CALN1: variants seen among roughly 807,000 people sequenced by gnomAD.
The protein encoded by CALN1 is calcium-binding protein 8.
In CALN1, 17 loss-of-function variants were observed where a neutral mutation model predicts 30.6. The observed-to-expected ratio is 0.56, with a 90% CI of 0.38 to 0.83. The LOEUF (loss-of-function observed/expected upper bound fraction) is 0.83. Among genes scored for constraint, CALN1 ranks in the 40% least tolerant of loss-of-function variants. CALN1 has a pLI of 0.00. For synonymous variants in CALN1, 156 were observed against 131.4 expected (o/e 1.19, Z -1.28); for missense variants, 291 against 354.9 (o/e 0.82, Z 1.45).
intron 3 of CALN1, among the ~76,000 whole-genome samples, chr7:72,128,889 A>C (rs1808951697): frequency 6.6e-6 from 1 of 152,228 alleles, no homozygotes. Context: ...AATAAAACTT[A>C]AAACATTTGT....
At chr7:72,124,315 G>A (rs1808593569) in intron 3 of CALN1, among the ~76,000 whole-genome samples, 1 of 152,118 alleles carries the variant, frequency 6.6e-6, no homozygotes, top group Non-Finnish European at 1.5e-5. Context: ...TTACAACTGT[G>A]CATCACACCA....
rs1792734901 is a variant in CALN1 at position 71,781,847 on chromosome 7, G to A, written c.*5928C>T. On this transcript the variant is annotated 3_prime_UTR_variant, in exon 7 of 7. Coordinates refer to ENST00000395275, the MANE Select transcript of CALN1 (RefSeq NM_031468.4). The stretch of plus-strand genomic sequence containing the variant: ...AGGTCAGGGTAGGGGCAGGTGGCCG[G>A]GCAAGCTTTTCCACTTTCAGAGGAC... The A allele has an allele frequency of 6.6e-6, 1 of 152,180 alleles. No homozygotes were observed. Among genetic ancestry groups the A allele is most frequent in the African/African-American group, 2.4e-5 (1 of 41,438 alleles). 9.4% of individuals were successfully genotyped at this position (152,180 alleles called of 1,614,324 possible). A position where few individuals can be genotyped will look rare whatever the true frequency, so the allele number is the denominator to read the frequency against.
chr7:71,929,404 T>G (rs1795434748), intron 5 of CALN1, among the ~76,000 whole-genome samples: 1 of 152,230 alleles, frequency 6.6e-6, no homozygotes, highest in Admixed American at 6.5e-5. Flanking sequence ...TTTCTGTTCT[T>G]GCATTAGTTT....
chr7:72,182,625 C>T (rs372337609), intron 3 of CALN1, among the ~76,000 whole-genome samples: 13 of 151,760 alleles, frequency 8.6e-5, no homozygotes, highest in African/African-American at 2.9e-4. Flanking sequence ...GAGGCTGAGG[C>T]GGGAGAATGG....
At chr7:72,090,914 A>G (rs953455575) in intron 4 of CALN1, among the ~76,000 whole-genome samples, 10 of 152,168 alleles carry the variant, frequency 6.6e-5, no homozygotes, top group Admixed American at 6.5e-4. Flanking sequence ...CGATGATTAT[A>G]GGGGCAAGGA....
At chr7:72,020,499 G>A (rs1296319419) in intron 5 of CALN1, among the ~76,000 whole-genome samples, 1 of 152,124 alleles carries the variant, frequency 6.6e-6, no homozygotes, top group Non-Finnish European at 1.5e-5. Context: ...CAGTCGCAGG[G>A]GGAAGAAGGG....
At chr7:72,474,987 C>T in the CALN1 span, among the ~76,000 whole-genome samples, 30 of 152,284 alleles carry the variant, frequency 2.0e-4, no homozygotes, top group African/African-American at 6.7e-4. Flanking sequence ...CTTTGTCCCC[C>T]CCAAGCCTGG....
chr7:72,340,965 A>G (rs565122086), intron 2 of CALN1, among the ~76,000 whole-genome samples: 3 of 152,242 alleles, frequency 2.0e-5, no homozygotes, highest in Admixed American at 2.0e-4. Context: ...ATGTGGAACT[A>G]TGAGTCCATT....
chr7:72,356,186 T>TA (rs1409727975), intron 2 of CALN1, among the ~76,000 whole-genome samples: 1 of 152,152 alleles, frequency 6.6e-6, no homozygotes, highest in Non-Finnish European at 1.5e-5. Flanking sequence ...AGAATTGCTA[T>TA]AGTGAGCTAT....
chr7:71,880,420 T>C (rs1473875580), intron 5 of CALN1, among the ~76,000 whole-genome samples: 3 of 152,152 alleles, frequency 2.0e-5, no homozygotes, highest in Non-Finnish European at 2.9e-5. Context: ...CAGGCTGCCC[T>C]TGAAATCCAA....
chr7:72,347,394 G>A (rs1013703444), intron 2 of CALN1, among the ~76,000 whole-genome samples: 7 of 151,988 alleles, frequency 4.6e-5, no homozygotes, highest in African/African-American at 1.7e-4. Context: ...AGCCTCCTGA[G>A]TAGCTGGGAT....
At position 72,345,464 on chromosome 7, in the gene CALN1, GAA is replaced by G. The variant is rs544534915; in HGVS notation, c.119+57785_119+57786del. 1.5e-3 allele frequency among the ~76,000 whole-genome samples: 213 copies of G among 144,362 alleles called. 2 individuals are homozygous for G. In the Middle Eastern group the frequency reaches 0.015, roughly 10 times the overall value. The allele number at this position is 144,362 out of a possible 152,430, so 94.7% of individuals were successfully genotyped here. A position where few individuals can be genotyped will look rare whatever the true frequency, so the allele number is the denominator to read the frequency against. The stretch of plus-strand genomic sequence containing the variant: ...AAGAGAGAAAGACAAAAAGACAAAA[GAA>G]AGAGAGGGAAGGGAAGGGAAGGGAG... On this transcript the variant is annotated intron_variant, in intron 2 of 6. Coordinates refer to ENST00000395275, the MANE Select transcript of CALN1 (RefSeq NM_031468.4).
intron 3 of CALN1, among the ~76,000 whole-genome samples, chr7:72,211,899 C>T (rs1439417620): frequency 6.6e-6 from 1 of 152,114 alleles, no homozygotes; most frequent in Non-Finnish European, 1.5e-5. Context: ...TGATAGAGAG[C>T]TCTTGGCACG....
intron 3 of CALN1, among the ~76,000 whole-genome samples, chr7:72,190,261 G>A (rs373753178): frequency 9.9e-5 from 15 of 152,240 alleles, no homozygotes; most frequent in African/African-American, 2.9e-4. Flanking sequence ...CAGGAGAATC[G>A]CCTGAACCCA....
intron 6 of CALN1, among the ~76,000 whole-genome samples, chr7:71,794,425 G>A (rs2115944584): frequency 6.6e-6 from 1 of 152,274 alleles, no homozygotes; most frequent in South Asian, 2.1e-4. Flanking sequence ...TTATTTAGAA[G>A]TCTATAATAG....
intron 5 of CALN1, among the ~76,000 whole-genome samples, chr7:72,004,222 A>G (rs1327528962): frequency 1.3e-5 from 2 of 152,230 alleles, no homozygotes; most frequent in Non-Finnish European, 2.9e-5. Flanking sequence ...ACCCAGAAAT[A>G]CACCCACATA....
intron 5 of CALN1, among the ~76,000 whole-genome samples, chr7:71,927,856 C>G (rs1474189334): frequency 1.3e-5 from 2 of 152,146 alleles, no homozygotes; most frequent in African/African-American, 4.8e-5. Context: ...TCTTTGGTGG[C>G]CCTTGTGAAC....
chr7:71,987,364 G>GT (rs1474095135), intron 5 of CALN1, among the ~76,000 whole-genome samples: 1 of 152,238 alleles, frequency 6.6e-6, no homozygotes, highest in African/African-American at 2.4e-5. Context: ...TGCGGGGGCT[G>GT]TGAGGACACA....
At chr7:71,905,332 G>A (rs1794071692) in intron 5 of CALN1, among the ~76,000 whole-genome samples, 1 of 150,778 alleles carries the variant, frequency 6.6e-6, no homozygotes, top group Admixed American at 6.6e-5. Context: ...TGAATTCTGA[G>A]ACTTCAGTGT....
Sources: allele counts gnomAD v4.1 joint callset (sites outside exome capture counted in the v4.1 genomes callset), GRCh38; gene constraint gnomAD v4.1.1; transcripts MANE v1.5; gene names NCBI Gene and HGNC (gene_info 2026-07-23, HGNC 2026-07-21).